The following RSRP1 variants were observed in gnomAD, a reference collection of about 807,000 sequenced individuals.
RSRP1 encodes the protein arginine/serine-rich protein 1.
A neutral mutation model predicts 33.0 loss-of-function variants in RSRP1; 37 were observed. The ratio of observed to expected loss-of-function variants is 1.12; its 90% confidence interval spans 0.86 to 1.48. The LOEUF (loss-of-function observed/expected upper bound fraction) is 1.48, where lower values mean the gene tolerates loss of function less well. RSRP1 is among the 40% of genes most tolerant of loss of function. The pLI, the probability that RSRP1 is intolerant of heterozygous loss-of-function variation, is 0.00. For missense variants in RSRP1, 402 were observed against 385.3 expected (o/e 1.04, Z -0.36); for synonymous variants, 167 against 158.7 (o/e 1.05, Z -0.40).
intron 3 of RSRP1, chr1:25,244,530 A>G (rs963103734): frequency 7.8e-7 from 1 of 1,289,192 alleles, no homozygotes; most frequent in Non-Finnish European, 1.0e-6. Context: ...GATAAACTAT[A>G]CTGTATATGC....
chr1:25,312,780 T>G lies in RSRP1; in HGVS notation c.-67+25198A>C, dbSNP rs1288746518. Among the ~76,000 whole-genome samples the G allele has an allele frequency of 3.4e-5, 4 of 118,622 alleles. No homozygotes were observed. The East Asian group carries it at 8.1e-4, about 24-fold the overall frequency. 77.8% of individuals were successfully genotyped at this position (118,622 alleles called of 152,430 possible). On this transcript the variant is annotated intron_variant, in intron 1 of 1. Transcript: ENST00000561867. ...ATAAAATTAAATAAACTTAGCTGGA[T>G]ATGGTGGCACACATCTGTAGTCCTA...
intron 1 of RSRP1, among the ~76,000 whole-genome samples, chr1:25,286,241 T>C (rs1641979526): frequency 7.4e-6 from 1 of 135,436 alleles, no homozygotes; most frequent in African/African-American, 2.5e-5. Context: ...GTAATCCCAG[T>C]ACTTTTGGGA....
chr1:25,330,125 G>A (rs1378899644), intron 1 of RSRP1: 3 of 132,392 alleles, frequency 2.3e-5, no homozygotes, highest in Non-Finnish European at 5.4e-5. Context: ...AGGCTGATAC[G>A]ACAGCTCTCT....
intron 1 of RSRP1, among the ~76,000 whole-genome samples, chr1:25,296,145 G>A (rs1190296385): frequency 8.4e-6 from 1 of 118,514 alleles, no homozygotes; most frequent in Admixed American, 8.1e-5. Context: ...TTAGAGGTGT[G>A]AGCCACCGCG....
At position 25,322,206 on chromosome 1, in the gene RSRP1, G is replaced by T. The variant is rs190554218; in HGVS notation, c.-67+15772C>A. Among the ~76,000 whole-genome samples the T allele has an allele frequency of 1.1e-3, 151 of 132,010 alleles. 17 individuals are homozygous for T. Among genetic ancestry groups the T allele is most frequent in the African/African-American group, 3.7e-3 (145 of 38,790 alleles). 86.6% of individuals were successfully genotyped at this position (132,010 alleles called of 152,430 possible). ...CAAATTCATTCAGAGTCAGGGATGA[G>T]ACAGCTTTCACTGGCCACACTTCCC... On this transcript the variant is annotated intron_variant, in intron 1 of 1. Coordinates refer to the RSRP1 transcript ENST00000561867.
intron 1 of RSRP1, among the ~76,000 whole-genome samples, chr1:25,279,221 GC>G: frequency 7.9e-6 from 1 of 126,340 alleles, no homozygotes; most frequent in East Asian, 2.0e-4. Context: ...CTAATCAGCG[GC>G]CGGCACGGGG....
At chr1:25,242,982 C>A (rs1638988321) in intron 4 of RSRP1, among the ~76,000 whole-genome samples, 1 of 151,984 alleles carries the variant, frequency 6.6e-6, no homozygotes. Context: ...CTCAGCTACT[C>A]GGGAGGCTGA....
chr1:25,321,835 G>T, intron 1 of RSRP1: 2 of 900,538 alleles, frequency 2.2e-6, no homozygotes, highest in South Asian at 1.4e-5. Flanking sequence ...TTAATCTTGA[G>T]ATTAAAAATC....
chr1:25,246,851 G>A lies in RSRP1; in HGVS notation c.113C>T (p.Ser38Phe). The change falls in exon 2 of 5, where the codon TCT becomes TTT. Residue 38 changes from serine to phenylalanine, a missense_variant. Coordinates refer to ENST00000243189, the MANE Select transcript of RSRP1 (RefSeq NM_020317.5). ...ATGGGACCGAGAGCTTCTGGAAAAAGAGCGGCTCCTAGACCGCGACGACAG... is the reference window on the plus strand; with the variant it reads ...ATGGGACCGAGAGCTTCTGGAAAAAAAGCGGCTCCTAGACCGCGACGACAG... Reference protein sequence around the residue: ...SRLSSRSRSRSFSRSSRSHSR... With the variant: ...SRLSSRSRSRFFSRSSRSHSR... 1 of 1,612,866 alleles carries A rather than the reference G, an allele frequency of 6.2e-7. No individual in the cohort carries two copies. The highest frequency in any genetic ancestry group is 8.5e-7 in the Non-Finnish European group (1 of 1,179,654).
intron 1 of RSRP1, among the ~76,000 whole-genome samples, chr1:25,256,522 T>C (rs1639953692): frequency 6.6e-6 from 1 of 152,162 alleles, no homozygotes; most frequent in South Asian, 2.1e-4. Flanking sequence ...AGTGGTGTGA[T>C]CATGGCTCAC....
chr1:25,329,393 C>T (rs1467921378), intron 1 of RSRP1: 4 of 293,026 alleles, frequency 1.4e-5, no homozygotes, highest in East Asian at 1.1e-4. Context: ...TACAGGCACC[C>T]ACCACATCTG....
At chr1:25,275,682 TATA>T (rs1640905036) in intron 1 of RSRP1, among the ~76,000 whole-genome samples, 2 of 133,504 alleles carry the variant, frequency 1.5e-5, no homozygotes, top group South Asian at 2.3e-4. Context: ...AAATGAAATA[TATA>T]ATATTTTCAA....
At chr1:25,247,592 T>C (rs1204654164), upstream of RSRP1, 1 of 152,322 alleles carries the variant, frequency 6.6e-6, no homozygotes, top group Non-Finnish European at 1.5e-5. Context: ...CCGCGCCCTG[T>C]GCCTCGAGCG....
intron 1 of RSRP1, among the ~76,000 whole-genome samples, chr1:25,297,794 A>T (rs1412019557): frequency 1.5e-5 from 2 of 132,194 alleles, no homozygotes; most frequent in African/African-American, 5.2e-5. Context: ...AAGAGAATTC[A>T]GTGTAAGAAC....
chr1:25,246,624 G>C lies in RSRP1; in HGVS notation c.340C>G (p.Arg114Gly). ...YYRSPSRYRSRSRSRSRSRGR... is the reference protein window; with the variant it reads ...YYRSPSRYRSGSRSRSRSRGR... ...CGAGAGCGCGACCTGCTACGGGACC[G>C]GGACCGGTACCGCGAAGGAGACCGG... The change falls in exon 2 of 5, where the codon CGG becomes GGG. Residue 114 changes from arginine (R) to glycine (G), a missense_variant. Physicochemically the swap from Arg to Gly is moderately radical, Grantham distance 125 (BLOSUM62 -2). Transcript: ENST00000243189. 1 of 1,614,084 alleles carries C rather than the reference G, an allele frequency of 6.2e-7. No individual in the cohort carries two copies. Among genetic ancestry groups the C allele is most frequent in the Non-Finnish European group, 8.5e-7 (1 of 1,180,020 alleles).
At chr1:25,338,187 A>C (rs1329419362), upstream of RSRP1, 2 of 152,128 alleles carry the variant, frequency 1.3e-5, no homozygotes, top group African/African-American at 4.8e-5. Context: ...CCCGACGTCC[A>C]GCTGTGAACC....
chr1:25,256,788 G>A (rs533376937), intron 1 of RSRP1, among the ~76,000 whole-genome samples: 1 of 152,134 alleles, frequency 6.6e-6, no homozygotes, highest in African/African-American at 2.4e-5. Flanking sequence ...CTCACAGGAG[G>A]CCCTCACGTG....
chr1:25,277,690 T>C (rs1641130349), intron 1 of RSRP1, among the ~76,000 whole-genome samples: 1 of 128,788 alleles, frequency 7.8e-6, no homozygotes, highest in South Asian at 2.4e-4. Flanking sequence ...AAAGCTTTTT[T>C]TTTGAGACAG....
rs1208464707 is a variant in RSRP1, at chr1:25,268,546, A to G, written c.-66-21517T>C. ...AAAACCTAAATACACAAGTAAAAAT[A>G]TAGACCTCGTCAGATGCTAGTAAGT... On this transcript the variant is annotated intron_variant, in intron 1 of 1. Coordinates refer to the RSRP1 transcript ENST00000561867. Among the ~76,000 whole-genome samples, 5 of 131,538 alleles carry G rather than the reference A, an allele frequency of 3.8e-5. 2 individuals are homozygous for G. The highest frequency in any genetic ancestry group is 1.3e-4 in the African/African-American group (5 of 38,534). 86.3% of individuals were successfully genotyped at this position (131,538 alleles called of 152,430 possible). A position where few individuals can be genotyped will look rare whatever the true frequency, so the allele number is the denominator to read the frequency against.
Sources: gnomAD v4.1 joint callset for allele counts (sites outside exome capture counted in the v4.1 genomes callset) on GRCh38, gnomAD v4.1.1 for gene constraint, MANE v1.5 for transcripts, NCBI Gene and HGNC (gene_info 2026-07-23, HGNC 2026-07-21) for gene names.